Variants in ATAD5 observed in about 807,000 individuals in gnomAD.
ATAD5 encodes ATPase family AAA domain containing 5.
A neutral mutation model predicts 176.9 loss-of-function variants in ATAD5; 58 were observed. The observed-to-expected ratio is 0.33, with a 90% CI of 0.27 to 0.41. The LOEUF is 0.41. Among genes scored for constraint, ATAD5 ranks in the 10% least tolerant of loss-of-function variants. ATAD5 has a pLI of 1.00. For missense variants in ATAD5, 1,789 were observed against 2,094.1 expected, an observed-to-expected ratio of 0.85 and a Z score of 2.84; for synonymous variants, 640 against 712.6, an observed-to-expected ratio of 0.90 and a Z score of 1.62.
intron 11 of ATAD5, among the ~76,000 whole-genome samples, chr17:30,866,648 C>G (rs1310794186): frequency 6.6e-6 from 1 of 151,974 alleles, no homozygotes; most frequent in Non-Finnish European, 1.5e-5. Context: ...AACCCCATCT[C>G]TACTAAAAAT....
At chr17:30,878,525 CA>C (rs1908799115) in intron 17 of ATAD5, among the ~76,000 whole-genome samples, 1 of 151,976 alleles carries the variant, frequency 6.6e-6, no homozygotes, top group Admixed American at 6.6e-5. Flanking sequence ...AAAGAATTAT[CA>C]CAGAATGTTT....
rs772969632 is a variant in ATAD5 at position 30,844,047 on chromosome 17, G to C, written c.2368+8G>C. 2.0e-6 allele frequency: 3 copies of C among 1,524,810 alleles called. No individual in the cohort carries two copies. The South Asian group carries it at 3.9e-5, about 20-fold the overall frequency. 94.5% of individuals were successfully genotyped at this position (1,524,810 alleles called of 1,614,324 possible). A position where few individuals can be genotyped will look rare whatever the true frequency, so the allele number is the denominator to read the frequency against. The stretch of plus-strand genomic sequence containing the variant: ...CCACTAAAAATGTACCTGGTAATCA[G>C]AGTTAATAATATTTATGATGTATAT... On this transcript the variant is annotated splice_region_variant and intron_variant, in intron 5 of 22. Transcript: ENST00000321990.
Position 30,835,415 on chromosome 17 carries a change from A to C in ATAD5, c.1334A>C (p.Lys445Thr). The change falls in exon 2 of 23, where the codon AAA becomes ACA. Residue 445 changes from lysine (K) to threonine (T), a missense_variant. By Grantham distance (78) the Lys-to-Thr change is moderately conservative. Coordinates refer to ENST00000321990, the MANE Select transcript of ATAD5 (RefSeq NM_024857.5). Reference protein sequence around the residue: ...YEVGRDDNSKKIMENSGIQMV... With the variant: ...YEVGRDDNSKTIMENSGIQMV... ...GTAGGAAGAGATGATAATTCTAAAAAAATCATGGAAAATTCTGGTATCCAA... is the reference window on the plus strand; with the variant it reads ...GTAGGAAGAGATGATAATTCTAAAACAATCATGGAAAATTCTGGTATCCAA... The C allele has an allele frequency of 1.2e-6, 2 of 1,611,716 alleles. No individual in the cohort carries two copies. The highest frequency in any genetic ancestry group is 1.1e-5 in the South Asian group (1 of 89,976).
At position 30,835,964 on chromosome 17, in the gene ATAD5, A is replaced by G. The variant is rs751244687; in HGVS notation, c.1883A>G (p.Gln628Arg). 5.6e-6 allele frequency: 9 copies of G among 1,613,982 alleles called. No homozygotes were observed. The highest frequency in any genetic ancestry group is 2.7e-5 in the African/African-American group (2 of 74,920). ...AATAGTCAACTAAAGGCTTCCACTC[A>G]AAAAGCAGCCAACTTATCGGAAAAG... ...QDNSQLKAST[Q>R]KAANLSEKHS... The change falls in exon 2 of 23, where the codon CAA becomes CGA. Residue 628 changes from glutamine (Q) to arginine (R), a missense_variant. Physicochemically the swap from Gln to Arg is conservative, Grantham distance 43 (BLOSUM62 1). Around this residue, in one of 6 missense-constraint regions of ATAD5, gnomAD observed 487 missense variants for 573.6 expected, o/e 0.85. Coordinates refer to ENST00000321990, the MANE Select transcript of ATAD5 (RefSeq NM_024857.5).
In ATAD5 at chr17:30,839,508, C is replaced by G. The variant is rs868315609; in HGVS notation, c.2077-1109C>G. 3.3e-5 allele frequency among the ~76,000 whole-genome samples: 5 copies of G among 151,254 alleles called. No homozygotes were observed. The South Asian group carries it at 1.0e-3, about 32-fold the overall frequency. On this transcript the variant is annotated intron_variant, in intron 3 of 22. Transcript: ENST00000321990. ...GCCAGGATGGTCTCCATCTCCTGAC[C>G]TTGTGATCTGCCCACCTCGGCCTCC...
At position 30,865,677 on chromosome 17, in the gene ATAD5, C is replaced by T. The variant is rs766419135; in HGVS notation, c.3137-27C>T. ...ATATGTTTATGTCAAGGAATGAATA[C>T]CTTAATTTTTTTTTTTTTTGCTTTA... is the stretch of plus-strand genomic sequence containing the variant. On this transcript the variant is annotated intron_variant, in intron 10 of 22. Transcript: ENST00000321990. 11 of 1,358,890 alleles carry T rather than the reference C, an allele frequency of 8.1e-6. No individual in the cohort carries two copies. In the South Asian group the frequency reaches 1.4e-4, roughly 17 times the overall value. The allele number at this position is 1,358,890 out of a possible 1,614,324, so 84.2% of individuals were successfully genotyped here.
chr17:30,844,926 A>G lies in ATAD5; in HGVS notation c.2450+10A>G, dbSNP rs1906404399. The G allele has an allele frequency of 6.3e-7, 1 of 1,576,786 alleles. No individual in the cohort carries two copies. The highest frequency in any genetic ancestry group is 8.6e-7 in the Non-Finnish European group (1 of 1,168,804). On this transcript the variant is annotated intron_variant, in intron 6 of 22. Coordinates refer to ENST00000321990, the MANE Select transcript of ATAD5 (RefSeq NM_024857.5). ...GTTTTGATGAAAGCAGGTCAGTCCA[A>G]TACAAATTTTTAAATGCCAAAATAT...
At chr17:30,848,088 C>A (rs964696712) in intron 6 of ATAD5, among the ~76,000 whole-genome samples, 30 of 152,042 alleles carry the variant, frequency 2.0e-4, no homozygotes, top group Admixed American at 1.6e-3. Context: ...TAAATAAATA[C>A]CTAGAAGTGG....
intron 11 of ATAD5, 74 bp from the exon 12 acceptor site, chr17:30,868,259 A>G (rs1908114933): frequency 8.0e-7 from 1 of 1,248,922 alleles, no homozygotes; most frequent in Non-Finnish European, 1.1e-6. Flanking sequence ...ACTTCCCCCG[A>G]TAATCATTTT....
chr17:30,832,456 T>A, intron 1 of ATAD5, 43 bp downstream of exon 1: 1 of 1,449,418 alleles, frequency 6.9e-7, no homozygotes, highest in Middle Eastern at 1.9e-4. Context: ...TCCTCTATCT[T>A]TTGGGGGATT....
chr17:30,894,873 CA>C lies in ATAD5; in HGVS notation c.5499del (p.Glu1834ArgfsTer3). ...TTTGAAGGAATTCATCTTGACATTC[CA>C]AAAGAGACTGTGAATACTTTGGCAG... ...HYFEGIHLDI[P>X]KETVNTLAAD... is the part of the protein sequence containing the mutation. On this transcript the variant is annotated frameshift_variant, in exon 23 of 23. Coordinates refer to ENST00000321990, the MANE Select transcript of ATAD5 (RefSeq NM_024857.5). LOFTEE classifies it high-confidence loss of function. 1 of 1,598,546 alleles carries C rather than the reference CA, an allele frequency of 6.3e-7. No individual in the cohort carries two copies. Among genetic ancestry groups the C allele is most frequent in the Non-Finnish European group, 8.5e-7 (1 of 1,175,758 alleles).
intron 4 of ATAD5, 79 bp downstream of exon 4, chr17:30,840,860 G>C: frequency 7.2e-7 from 1 of 1,394,756 alleles, no homozygotes; most frequent in Non-Finnish European, 9.7e-7. Flanking sequence ...CCATTATAAA[G>C]TTATAAGGTA....
At chr17:30,880,059 T>C (rs1489504983) in intron 18 of ATAD5, among the ~76,000 whole-genome samples, 1 of 151,870 alleles carries the variant, frequency 6.6e-6, no homozygotes, top group Non-Finnish European at 1.5e-5. Context: ...CCCAGCACTT[T>C]GGGAGGCTGA....
At position 30,880,000 on chromosome 17, in the gene ATAD5, GTCAA is replaced by G. The variant is rs377404636; in HGVS notation, c.4077+527_4077+530del. Among the ~76,000 whole-genome samples, 966 of 151,248 alleles carry G rather than the reference GTCAA, an allele frequency of 6.4e-3. 9 individuals are homozygous for G. The highest frequency in any genetic ancestry group is 0.022 in the African/African-American group (914 of 41,244). On this transcript the variant is annotated intron_variant, in intron 18 of 22. Coordinates refer to ENST00000321990, the MANE Select transcript of ATAD5 (RefSeq NM_024857.5). ...AATTGTGCCACTGTACTCTAGCCTG[GTCAA>G]TCAATCAATCAATAAGGCCAGGCAC...
At chr17:30,869,206 C>T (rs1908194355) in intron 12 of ATAD5, 42 bp from the exon 13 acceptor site, 1 of 1,566,802 alleles carries the variant, frequency 6.4e-7, no homozygotes, top group Non-Finnish European at 8.6e-7. Context: ...GAATTGCTTC[C>T]TCAGCAATTG....
chr17:30,869,804 CCAT>C, intron 14 of ATAD5, 158 bp downstream of exon 14: 1 of 718,680 alleles, frequency 1.4e-6, no homozygotes, highest in South Asian at 2.0e-5. Context: ...AATCTGAAGA[CCAT>C]CATATCATTT....
At chr17:30,843,037 C>T (rs72811657) in intron 4 of ATAD5, among the ~76,000 whole-genome samples, 10,653 of 151,848 alleles carry the variant, frequency 0.07, 483 homozygotes, top group Non-Finnish European at 0.1. Context: ...AACCACCGTC[C>T]GGCATTAGTT....
chr17:30,834,116 A>C (rs1469767202), intron 1 of ATAD5, 32 bp from the exon 2 acceptor site: 2 of 1,467,374 alleles, frequency 1.4e-6, no homozygotes, highest in Non-Finnish European at 1.8e-6. Context: ...TATTGCTTGA[A>C]ATAAGTGCCT....
chr17:30,867,385 CTG>C (rs990721305), intron 11 of ATAD5, among the ~76,000 whole-genome samples: 2 of 152,078 alleles, frequency 1.3e-5, no homozygotes, highest in Non-Finnish European at 2.9e-5. Flanking sequence ...CAAAGCAAGA[CTG>C]TCTCAAAAAA....
Sources: gnomAD v4.1 joint callset for allele counts (sites outside exome capture counted in the v4.1 genomes callset) on GRCh38, gnomAD v4.1.1 for gene constraint, gnomAD v4.1.1 regional missense constraint, MANE v1.5 for transcripts, NCBI Gene and HGNC (gene_info 2026-07-23, HGNC 2026-07-21) for gene names.